CERCAM: variants seen among roughly 807,000 people sequenced by gnomAD.
The protein encoded by CERCAM is cerebral endothelial cell adhesion molecule, also known as inactive glycosyltransferase 25 family member 3.
CERCAM carries 59 observed loss-of-function variants against 66.0 expected under a neutral mutation model. The observed-to-expected ratio is 0.89, with a 90% CI of 0.73 to 1.11. The LOEUF (loss-of-function observed/expected upper bound fraction) is 1.11. Ranked by LOEUF, CERCAM falls within the 50% of genes most tolerant of loss-of-function variation. The pLI is 0.00. For missense variants in CERCAM, 840 were observed against 828.3 expected (o/e 1.01, Z -0.17); for synonymous variants, 318 against 343.6 (o/e 0.93, Z 0.83).
chr9:128,424,492 C>G lies in CERCAM; in HGVS notation c.644C>G (p.Ser215Cys), dbSNP rs1371514762. The G allele has an allele frequency of 7.4e-6, 12 of 1,614,010 alleles. No individual in the cohort carries two copies. The highest frequency in any genetic ancestry group is 1.0e-5 in the Non-Finnish European group (12 of 1,180,032). ...TGCTTCCGTGTCCCCATGGTCCACT[C>G]CACCTTCCTTGCATCCCTGCGGGCT... is the stretch of plus-strand genomic sequence containing the variant. The part of the protein sequence containing the change: ...RGCFRVPMVH[S>C]TFLASLRAEG... The change falls in exon 5 of 13, where the codon TCC becomes TGC. Residue 215 changes from serine to cysteine, a missense_variant. By Grantham distance (112) the Ser-to-Cys change is moderately radical (BLOSUM62 -1). Coordinates refer to ENST00000372838, the MANE Select transcript of CERCAM (RefSeq NM_016174.5).
At chr9:128,436,055 G>GTTGT (rs935049998) in intron 12 of CERCAM, 150 bp downstream of exon 12, 4 of 1,024,378 alleles carry the variant, frequency 3.9e-6, no homozygotes, top group Non-Finnish European at 5.5e-6. Flanking sequence ...TGTTGTTGTT[G>GTTGT]TTGTTTGTTT....
intron 1 of CERCAM, chr9:128,421,356 C>G: frequency 1.7e-6 from 2 of 1,177,044 alleles, no homozygotes; most frequent in Non-Finnish European, 2.1e-6. Context: ...GTAGGTTGGG[C>G]CCAGCCAGCC....
intron 6 of CERCAM, 57 bp from the exon 7 acceptor site, chr9:128,428,700 G>A (rs1235262276): frequency 4.4e-6 from 7 of 1,577,508 alleles, no homozygotes; most frequent in African/African-American, 2.7e-5. Flanking sequence ...GGACTTCAGG[G>A]TGACTGCTAA....
chr9:128,428,901 C>T, intron 7 of CERCAM, 29 bp from the exon 8 acceptor site: 2 of 1,607,904 alleles, frequency 1.2e-6, no homozygotes, highest in Non-Finnish European at 1.7e-6. Flanking sequence ...CTCCCTTGCA[C>T]TTACCGCCCA....
Position 128,431,260 on chromosome 9 carries a change from G to T in CERCAM, c.1160G>T (p.Gly387Val). 1 of 1,614,072 alleles carries T rather than the reference G, an allele frequency of 6.2e-7. No individual in the cohort carries two copies. The highest frequency in any genetic ancestry group is 8.5e-7 in the Non-Finnish European group (1 of 1,180,010). The change falls in exon 9 of 13, where the codon GGC becomes GTC. Residue 387 changes from glycine to valine, a missense_variant. Gly to Val is a moderately radical substitution (Grantham distance 109). Transcript: ENST00000372838. ...TACTCGGGCCGCACTCTGACCAAGG[G>T]CGAGGTGGGCTGCTTCCTCAGCCAT... ...DPYSGRTLTK[G>V]EVGCFLSHYS...
chr9:128,436,499 C>T (rs1834117715), intron 12 of CERCAM, among the ~76,000 whole-genome samples: 1 of 152,194 alleles, frequency 6.6e-6, no homozygotes. Flanking sequence ...CTGCCCGCCT[C>T]AGCTTCCCAA....
Position 128,422,861 on chromosome 9 carries a change from T to C in CERCAM, c.198-7T>C. 1 of 1,613,774 alleles carries C rather than the reference T, an allele frequency of 6.2e-7. No homozygotes were observed. The highest frequency in any genetic ancestry group is 8.5e-7 in the Non-Finnish European group (1 of 1,179,866). On this transcript the variant is annotated splice_region_variant and splice_polypyrimidine_tract_variant and intron_variant, in intron 1 of 12. Coordinates refer to ENST00000372838, the MANE Select transcript of CERCAM (RefSeq NM_016174.5). ...GCCCCCTCAGCCTTTTTTCTTCCCG[T>C]CCCCAGGTGTGCCACGGACCACAAT...
At chr9:128,419,359 C>G (rs1486906159), upstream of CERCAM, 1 of 152,270 alleles carries the variant, frequency 6.6e-6, no homozygotes, top group Non-Finnish European at 1.5e-5. Context: ...CCTCCCTGAC[C>G]CTGGGAAAAG....
Position 128,424,255 on chromosome 9 carries a change from T to C in CERCAM, c.544T>C (p.Cys182Arg), listed in dbSNP as rs1488710163. 6.2e-7 allele frequency: 1 copy of C among 1,614,020 alleles called. No individual in the cohort carries two copies. Among genetic ancestry groups the C allele is most frequent in the Non-Finnish European group, 8.5e-7 (1 of 1,179,990 alleles). Reference protein sequence around the residue: ...DSQTYYSNFWCGITPQGYYRR... With the variant: ...DSQTYYSNFWRGITPQGYYRR... ...CCAGACCTACTACTCCAACTTCTGG[T>C]GTGGGATCACCCCCCAGGTGAGGCC... The change falls in exon 4 of 13, where the codon TGT becomes CGT. Residue 182 changes from cysteine (C) to arginine (R), a missense_variant. Cys to Arg is a radical substitution (Grantham distance 180). Coordinates refer to ENST00000372838, the MANE Select transcript of CERCAM (RefSeq NM_016174.5).
At chr9:128,422,612 G>A (rs1294040796) in intron 1 of CERCAM, 1 of 471,630 alleles carries the variant, frequency 2.1e-6, no homozygotes. Context: ...CATGACATAA[G>A]CAGGACAGCT....
chr9:128,422,641 C>G lies in CERCAM; in HGVS notation c.198-227C>G, dbSNP rs138867172. On this transcript the variant is annotated intron_variant, in intron 1 of 12. Transcript: ENST00000372838. ...GACAGCTTAAGTTATAGAGGGAGGA[C>G]GTGAAGCCCAGAGAAAGATGGGACT... 14 of 536,080 alleles carry G rather than the reference C, an allele frequency of 2.6e-5. No homozygotes were observed. In the Admixed American group the frequency reaches 3.7e-4, roughly 14 times the overall value. 33.2% of individuals were successfully genotyped at this position (536,080 alleles called of 1,614,324 possible).
At chr9:128,435,080 G>A (rs1418083349) in intron 11 of CERCAM, among the ~76,000 whole-genome samples, 1 of 151,974 alleles carries the variant, frequency 6.6e-6, no homozygotes, top group East Asian at 1.9e-4. Context: ...TGCAACCTCC[G>A]CCTCCCAGGT....
At chr9:128,424,696 C>A (rs1833799192) in intron 5 of CERCAM, 82 bp downstream of exon 5, 1 of 1,260,316 alleles carries the variant, frequency 7.9e-7, no homozygotes, top group Non-Finnish European at 1.1e-6. Flanking sequence ...CCATGCCCTT[C>A]CCTACTCTGC....
At chr9:128,424,919 G>A (rs1473518743) in intron 5 of CERCAM, among the ~76,000 whole-genome samples, 2 of 150,718 alleles carry the variant, frequency 1.3e-5, no homozygotes, top group African/African-American at 4.9e-5. Flanking sequence ...ACGGGGTTTT[G>A]CCATGTTGGT....
chr9:128,424,683 T>C, intron 5 of CERCAM, 69 bp downstream of exon 5: 2 of 1,398,068 alleles, frequency 1.4e-6, no homozygotes, highest in Non-Finnish European at 2.0e-6. Context: ...TTCCAGCTGC[T>C]TACCATGCCC....
intron 12 of CERCAM, among the ~76,000 whole-genome samples, chr9:128,436,420 G>C (rs1293702489): frequency 6.6e-6 from 1 of 152,110 alleles, no homozygotes; most frequent in African/African-American, 2.4e-5. Context: ...GCTAAATTTT[G>C]TATTTTTAGT....
In CERCAM at chr9:128,431,201, C is replaced by T. The variant is rs59813556; in HGVS notation, c.1101C>T (p.Leu367=). The T allele has an allele frequency of 2.6e-4, 412 of 1,614,014 alleles. 4 individuals carry two copies. The East Asian group carries it at 8.8e-3, about 34-fold the overall frequency. ...WMLNSSAIRN[L]GVDLLPGYQD... is the part of the protein sequence containing the mutation. ...TCAACAGCAGTGCCATCAGGAACCT[C>T]GGCGTAGACCTGCTCCCGGGCTACC... Residue 367 remains leucine (L), a synonymous_variant, in exon 9 of 13, where the codon CTC becomes CTT. Coordinates refer to ENST00000372838, the MANE Select transcript of CERCAM (RefSeq NM_016174.5).
chr9:128,432,272 CA>C (rs1833993489), intron 9 of CERCAM, among the ~76,000 whole-genome samples: 1 of 152,082 alleles, frequency 6.6e-6, no homozygotes, highest in South Asian at 2.1e-4. Context: ...GTGATCTGCC[CA>C]CCTCGGCCTC....
chr9:128,429,205 A>G (rs1833920115), intron 8 of CERCAM, among the ~76,000 whole-genome samples, 169 bp downstream of exon 8: 1 of 152,150 alleles, frequency 6.6e-6, no homozygotes, highest in African/African-American at 2.4e-5. Context: ...GAGCAGACAC[A>G]CGTGGGAGAA....
Sources: gnomAD v4.1 joint callset for allele counts (sites outside exome capture counted in the v4.1 genomes callset) on GRCh38, gnomAD v4.1.1 for gene constraint, MANE v1.5 for transcripts, NCBI Gene and HGNC (gene_info 2026-07-23, HGNC 2026-07-21) for gene names.